FKBP15: variants seen among roughly 807,000 people sequenced by gnomAD.
FKBP15 encodes FK506-binding protein 15.
Under a neutral mutation model 158.1 loss-of-function variants are expected in FKBP15, and 106 were observed. The ratio of observed to expected loss-of-function variants is 0.67; its 90% confidence interval spans 0.57 to 0.79. FKBP15 has a LOEUF of 0.79. Among genes scored for constraint, FKBP15 ranks in the 30% least tolerant of loss-of-function variants. FKBP15 has a pLI of 0.00. For missense variants in FKBP15, 1,287 were observed against 1,479.1 expected (o/e 0.87, Z 2.13); for synonymous variants, 547 against 548.6 (o/e 1.00, Z 0.04).
At chr9:113,219,753 G>C (rs1417480784) in intron 1 of FKBP15, among the ~76,000 whole-genome samples, 1 of 152,172 alleles carries the variant, frequency 6.6e-6, no homozygotes. Context: ...TGAAAATTGG[G>C]AGCCCTAACA....
At chr9:113,217,713 C>A (rs1245517177) in intron 1 of FKBP15, among the ~76,000 whole-genome samples, 2 of 151,976 alleles carry the variant, frequency 1.3e-5, no homozygotes, top group East Asian at 1.9e-4. Flanking sequence ...TGGTGGCATG[C>A]GCCTGTAATC....
rs765382979 is a variant in FKBP15 at position 113,198,935 on chromosome 9, T to G, written c.649-12A>C. ...GTGGAGTCGAAAACCTGCAATTTGATCGAAGGAAATTAGGCCAGCCAATTT... is the reference window on the plus strand; with the variant it reads ...GTGGAGTCGAAAACCTGCAATTTGAGCGAAGGAAATTAGGCCAGCCAATTT... On this transcript the variant is annotated splice_polypyrimidine_tract_variant and intron_variant, in intron 7 of 27. Coordinates refer to ENST00000238256, the MANE Select transcript of FKBP15 (RefSeq NM_015258.2). This position sits in a 1 kb window ranked among gnomAD's most constrained non-coding sequence, Gnocchi z 5.2. 3.2e-5 allele frequency: 51 copies of G among 1,587,124 alleles called. No homozygotes were observed. Among genetic ancestry groups the G allele is most frequent in the Admixed American group, 7.1e-5 (4 of 56,488 alleles).
At position 113,221,129 on chromosome 9, in the gene FKBP15, C is replaced by T. The variant is rs1831246041; in HGVS notation, c.53+62G>A. 2.0e-6 allele frequency: 3 copies of T among 1,524,970 alleles called. No individual in the cohort carries two copies. The African/African-American group carries it at 4.1e-5, about 21-fold the overall frequency. The allele number at this position is 1,524,970 out of a possible 1,614,324, so 94.5% of individuals were successfully genotyped here. On this transcript the variant is annotated intron_variant, in intron 1 of 27. Coordinates refer to ENST00000238256, the MANE Select transcript of FKBP15 (RefSeq NM_015258.2). ...AAGGCCTGAGAAGAGATCGACCCCC[C>T]TCCAACAATCCGCCGGTATCTCTCA...
rs71384299 is a variant in FKBP15 at position 113,196,381 on chromosome 9, CTTT to C, written c.864+548_864+550del. Among the ~76,000 whole-genome samples the C allele has an allele frequency of 6.0e-3, 606 of 101,744 alleles. 2 individuals carry two copies. The highest frequency in any genetic ancestry group is 0.013 in the African/African-American group (317 of 24,954). The allele number at this position is 101,744 out of a possible 152,430, so 66.7% of individuals were successfully genotyped here. A position where few individuals can be genotyped will look rare whatever the true frequency, so the allele number is the denominator to read the frequency against. On this transcript the variant is annotated intron_variant, in intron 9 of 27. Transcript: ENST00000238256. ...TAAAAATCTTAGTGTGAAGAAGTGACTTTTTTTTTTTTTTTTTTTTGAGACAGA... is the reference window on the plus strand; with the variant it reads ...TAAAAATCTTAGTGTGAAGAAGTGACTTTTTTTTTTTTTTTTTGAGACAGA...
intron 18 of FKBP15, among the ~76,000 whole-genome samples, 187 bp from the exon 19 acceptor site, chr9:113,183,055 C>T (rs1231953826): frequency 6.6e-6 from 1 of 151,982 alleles, no homozygotes; most frequent in East Asian, 1.9e-4. Flanking sequence ...GAAGCAGGAA[C>T]CTGGGCCAGC....
In FKBP15 at chr9:113,173,514, T is replaced by C; in HGVS notation, c.2471A>G (p.Tyr824Cys). ...ASAKDEHLQQ[Y>C]QEVCAQRDAY... ...ATCTCTCTGTGCGCACACCTCCTGG[T>C]ACTGCTGCAGGTGCTCATCCTTGGC... Residue 824 changes from tyrosine to cysteine, a missense_variant, in exon 23 of 28, where the codon TAC becomes TGC. By Grantham distance (194) the Tyr-to-Cys change is radical. Coordinates refer to ENST00000238256, the MANE Select transcript of FKBP15 (RefSeq NM_015258.2). 1 of 1,613,980 alleles carries C rather than the reference T, an allele frequency of 6.2e-7. No individual in the cohort carries two copies. The highest frequency in any genetic ancestry group is 1.3e-5 in the African/African-American group (1 of 75,070).
chr9:113,216,060 G>C (rs1831124837), intron 1 of FKBP15, among the ~76,000 whole-genome samples: 1 of 134,614 alleles, frequency 7.4e-6, no homozygotes, highest in African/African-American at 2.8e-5. Flanking sequence ...TCAACACGGG[G>C]TTGGACACAA....
chr9:113,195,391 G>A (rs941995549), intron 9 of FKBP15, among the ~76,000 whole-genome samples: 2 of 151,978 alleles, frequency 1.3e-5, no homozygotes, highest in South Asian at 4.1e-4. Flanking sequence ...TTTGTTTCTC[G>A]TGCCAGTCAT....
Position 113,212,965 on chromosome 9 carries a change from C to T in FKBP15, c.54-1373G>A, listed in dbSNP as rs754554930. The stretch of plus-strand genomic sequence containing the variant: ...AACTCATATCCTCCAATGCCCACTG[C>T]CCCAGCAAAACCTGTTCTTCCTTTT... On this transcript the variant is annotated intron_variant, in intron 1 of 27. Coordinates refer to ENST00000238256, the MANE Select transcript of FKBP15 (RefSeq NM_015258.2). 2.0e-5 allele frequency among the ~76,000 whole-genome samples: 3 copies of T among 152,196 alleles called. No individual in the cohort carries two copies. In the East Asian group the frequency reaches 5.8e-4, roughly 29 times the overall value.
intron 18 of FKBP15, among the ~76,000 whole-genome samples, chr9:113,183,376 G>C (rs1270534908): frequency 6.6e-6 from 1 of 152,092 alleles, no homozygotes; most frequent in African/African-American, 2.4e-5. Flanking sequence ...TGAAGTTTTG[G>C]CTGAGTTCTG....
At chr9:113,172,456 C>G (rs1375713184) in intron 23 of FKBP15, among the ~76,000 whole-genome samples, 5 of 152,240 alleles carry the variant, frequency 3.3e-5, no homozygotes, top group African/African-American at 1.2e-4. Flanking sequence ...CTAATTTACA[C>G]TCCCACCAAC....
chr9:113,216,904 CTTTTT>C (rs71491083), intron 1 of FKBP15, among the ~76,000 whole-genome samples: 2 of 131,782 alleles, frequency 1.5e-5, no homozygotes, highest in Non-Finnish European at 1.6e-5. Context: ...ATTCCATTTT[CTTTTT>C]TTTTTTTTTT....
chr9:113,171,763 C>T, intron 23 of FKBP15, 57 bp from the exon 24 acceptor site: 1 of 1,295,468 alleles, frequency 7.7e-7, no homozygotes, highest in Non-Finnish European at 1.0e-6. Context: ...GGTCAGAAAA[C>T]CCAAGGGGAG....
At chr9:113,190,914 G>A (rs1028521672) in intron 11 of FKBP15, among the ~76,000 whole-genome samples, 1 of 152,146 alleles carries the variant, frequency 6.6e-6, no homozygotes, top group Non-Finnish European at 1.5e-5. Flanking sequence ...AGGCATTTTA[G>A]GTGACAGTAC....
chr9:113,206,612 C>T (rs1247712293), intron 3 of FKBP15, 34 bp from the exon 4 acceptor site: 4 of 1,547,546 alleles, frequency 2.6e-6, no homozygotes, highest in Non-Finnish European at 3.6e-6. Flanking sequence ...AGTATTAATA[C>T]TTCCCTAAAT....
intron 1 of FKBP15, 144 bp from the exon 2 acceptor site, chr9:113,211,736 A>C (rs900270634): frequency 1.7e-5 from 8 of 465,154 alleles, no homozygotes; most frequent in African/African-American, 1.7e-4. Flanking sequence ...CAAGCTAGGA[A>C]AGCTGATTTA....
At chr9:113,177,182 C>G (rs1830314849) in intron 20 of FKBP15, among the ~76,000 whole-genome samples, 1 of 152,294 alleles carries the variant, frequency 6.6e-6, no homozygotes, top group Non-Finnish European at 1.5e-5. Flanking sequence ...ATTTTGGCCA[C>G]CATCTTAACA....
In FKBP15 at chr9:113,166,081, T is replaced by A. The variant is rs774678876; in HGVS notation, c.3657A>T (p.Gly1219=). 4.4e-5 allele frequency: 71 copies of A among 1,613,132 alleles called. No homozygotes were observed. Among genetic ancestry groups the A allele is most frequent in the Non-Finnish European group, 5.9e-5 (70 of 1,179,576 alleles). The change falls in exon 28 of 28, where the codon GGA becomes GGT. Residue 1219 remains glycine, a synonymous_variant. Transcript: ENST00000238256. ...TTTGCACCAGTTTCCTGGGTCTTCA[T>A]CCCAGCCAGTCAATGTCATCGTCAT... is the stretch of plus-strand genomic sequence containing the variant. ...DDDDDDIDWL[G] is the part of the protein sequence containing the mutation.
In FKBP15 at chr9:113,161,377, G is replaced by A. The variant is rs1292295567; in HGVS notation, c.*4701C>T. 13 of 817,034 alleles carry A rather than the reference G, an allele frequency of 1.6e-5. No individual in the cohort carries two copies. The highest frequency in any genetic ancestry group is 3.5e-4 in the Middle Eastern group (1 of 2,826). 50.6% of individuals were successfully genotyped at this position (817,034 alleles called of 1,614,324 possible). A position where few individuals can be genotyped will look rare whatever the true frequency, so the allele number is the denominator to read the frequency against. On this transcript the variant is annotated 3_prime_UTR_variant, in exon 28 of 28. Transcript: ENST00000238256. ...TCTGGTGAAGACAGTGAAGAAGTTC[G>A]GAACTCAGCAAGGGTGGGGAAGAAG...
Sources: gnomAD v4.1 joint callset for allele counts (sites outside exome capture counted in the v4.1 genomes callset) on GRCh38, gnomAD v4.1.1 for gene constraint, Gnocchi (gnomAD v3.1) non-coding constraint, MANE v1.5 for transcripts, NCBI Gene and HGNC (gene_info 2026-07-23, HGNC 2026-07-21) for gene names.